Variants in MESP1 observed in about 807,000 individuals in gnomAD.
MESP1 encodes mesoderm posterior protein 1.
In MESP1, 22 loss-of-function variants were observed where a neutral mutation model predicts 15.2. That is an observed-to-expected ratio of 1.45 (90% CI 1.04 to 2.07). MESP1 has a LOEUF of 2.07. Among genes scored for constraint, MESP1 ranks in the 30% most tolerant of loss-of-function variants. The pLI, the probability that MESP1 is intolerant of heterozygous loss-of-function variation, is 0.00. For missense variants in MESP1, 484 were observed against 411.9 expected (o/e 1.17, Z -1.51); for synonymous variants, 216 against 192.6 (o/e 1.12, Z -1.01).
chr15:89,737,578 C>T, the MESP1 span: 1 of 1,614,186 alleles, frequency 6.2e-7, no homozygotes, highest in Non-Finnish European at 8.5e-7. Context: ...CCCAGGTGCT[C>T]ATCTTTTCCA....
chr15:89,743,750 C>T, the MESP1 span: 2 of 238,632 alleles, frequency 8.4e-6, no homozygotes, highest in East Asian at 2.1e-4. Context: ...CCACTCACCT[C>T]CTAGGCCCTG....
chr15:89,740,198 C>A, the MESP1 span, among the ~76,000 whole-genome samples: 1 of 152,162 alleles, frequency 6.6e-6, no homozygotes, highest in Non-Finnish European at 1.5e-5. Flanking sequence ...CCCTGCTAAT[C>A]CAAGTTCATG....
chr15:89,750,166 C>T lies in MESP1; in HGVS notation c.785G>A (p.Trp262Ter), dbSNP rs780469761. The T allele has an allele frequency of 1.2e-6, 2 of 1,614,072 alleles. No homozygotes were observed. Among genetic ancestry groups the T allele is most frequent in the South Asian group, 2.2e-5 (2 of 91,088 alleles). ...TTGTCACTTGGGCTCCTCAGGCAGC[C>T]ACTCCAGAGGCGAGAGGGGCATCCA... The part of the protein sequence containing the change: ...ETWMPLSPLE[W>*]LPEEPK The change falls in exon 2 of 2, where the codon TGG becomes TAG. Residue 262 changes from tryptophan to a stop codon, truncating the protein, a stop_gained. Coordinates refer to ENST00000300057, the MANE Select transcript of MESP1 (RefSeq NM_018670.4). LOFTEE classifies it high-confidence loss of function.
chr15:89,747,689 G>C (rs1967998365), downstream of MESP1, among the ~76,000 whole-genome samples: 1 of 152,236 alleles, frequency 6.6e-6, no homozygotes. Context: ...TACGCACACA[G>C]GTCTGGAGTC....
downstream of MESP1, among the ~76,000 whole-genome samples, chr15:89,746,502 TCC>T (rs1967959067): frequency 1.1e-5 from 1 of 89,854 alleles, no homozygotes; most frequent in African/African-American, 4.6e-5. Context: ...CAGCCCCGCC[TCC>T]ACACACACAC....
At chr15:89,736,905 C>G in the MESP1 span, among the ~76,000 whole-genome samples, 2 of 151,868 alleles carry the variant, frequency 1.3e-5, no homozygotes, top group South Asian at 2.1e-4. Flanking sequence ...CATTCTCCTG[C>G]CTCAGCCTCC....
the MESP1 span, among the ~76,000 whole-genome samples, chr15:89,743,121 CT>C: frequency 6.6e-6 from 1 of 152,242 alleles, no homozygotes; most frequent in African/African-American, 2.4e-5. Flanking sequence ...CAGGAAAGGC[CT>C]TCTGAGCACC....
Position 89,750,912 on chromosome 15 carries a change from C to A in MESP1, c.320G>T (p.Arg107Leu). ...GGGCGCCACGGACGGCGGTAGAAAG[C>A]GGCGCAGCTCGTGCAGGGCGCGGGC... ...TLARALHELR[R>L]FLPPSVAPAG... The change falls in exon 1 of 2, where the codon CGC becomes CTC. Residue 107 changes from arginine (R) to leucine (L), a missense_variant. Coordinates refer to ENST00000300057, the MANE Select transcript of MESP1 (RefSeq NM_018670.4). The A allele has an allele frequency of 6.7e-7, 1 of 1,484,462 alleles. No individual in the cohort carries two copies. Among genetic ancestry groups the A allele is most frequent in the African/African-American group, 1.4e-5 (1 of 69,202 alleles). The allele number at this position is 1,484,462 out of a possible 1,614,324, so 92.0% of individuals were successfully genotyped here. A position where few individuals can be genotyped will look rare whatever the true frequency, so the allele number is the denominator to read the frequency against.
At chr15:89,737,635 C>G in the MESP1 span, 1 of 1,614,222 alleles carries the variant, frequency 6.2e-7, no homozygotes, top group Non-Finnish European at 8.5e-7. Flanking sequence ...GTGAAATCAT[C>G]TGTGCCTTTG....
In MESP1 at chr15:89,750,495, A is replaced by C; in HGVS notation, c.723+14T>G. 2 of 1,492,734 alleles carry C rather than the reference A, an allele frequency of 1.3e-6. No individual in the cohort carries two copies. Among genetic ancestry groups the C allele is most frequent in the Non-Finnish European group, 1.8e-6 (2 of 1,129,256 alleles). 92.5% of individuals were successfully genotyped at this position (1,492,734 alleles called of 1,614,324 possible). A position where few individuals can be genotyped will look rare whatever the true frequency, so the allele number is the denominator to read the frequency against. Reference sequence around the variant, plus strand: ...GGGCACGGACGAAGGGGGCGCGGGGAAGGGGACACTAACCGGGGACGGTGG... The same window carrying C: ...GGGCACGGACGAAGGGGGCGCGGGGCAGGGGACACTAACCGGGGACGGTGG... On this transcript the variant is annotated intron_variant, in intron 1 of 1. Coordinates refer to ENST00000300057, the MANE Select transcript of MESP1 (RefSeq NM_018670.4).
downstream of MESP1, among the ~76,000 whole-genome samples, chr15:89,745,619 G>A (rs750305150): frequency 4.6e-5 from 7 of 152,010 alleles, no homozygotes; most frequent in Admixed American, 6.5e-5. This position sits in a 1 kb window ranked among gnomAD's most constrained non-coding sequence, Gnocchi z 4.8. Context: ...AAAAATTAGC[G>A]AGGCGTAGTG....
At chr15:89,738,433 C>T in the MESP1 span, among the ~76,000 whole-genome samples, 3 of 152,212 alleles carry the variant, frequency 2.0e-5, no homozygotes, top group African/African-American at 7.2e-5. Flanking sequence ...TCAAGACCAG[C>T]CTGGTCAACA....
In MESP1 at chr15:89,750,636, GC is replaced by G; in HGVS notation, c.595del (p.Ala199ArgfsTer80). On this transcript the variant is annotated frameshift_variant, in exon 1 of 2. Coordinates refer to ENST00000300057, the MANE Select transcript of MESP1 (RefSeq NM_018670.4). LOFTEE classifies it high-confidence loss of function. ...LGLVSAVRAG[A>X]SWGSPPACPG... ...GCAGGCAGGCGGGGATCCCCAGGAC[GC>G]CCCGGCGCGGACGGCGGATACCAGG... is the stretch of plus-strand genomic sequence containing the variant. The G allele has an allele frequency of 2.9e-6, 4 of 1,373,916 alleles. No homozygotes were observed. The highest frequency in any genetic ancestry group is 3.7e-6 in the Non-Finnish European group (4 of 1,072,716). 85.1% of individuals were successfully genotyped at this position (1,373,916 alleles called of 1,614,324 possible). A position where few individuals can be genotyped will look rare whatever the true frequency, so the allele number is the denominator to read the frequency against.
the MESP1 span, chr15:89,738,110 T>C: frequency 6.2e-7 from 1 of 1,614,136 alleles, no homozygotes; most frequent in Non-Finnish European, 8.5e-7. Context: ...TATTTTAATT[T>C]TGAGGCCTGC....
At chr15:89,749,853 G>A (rs902033651), downstream of MESP1, 2 of 375,314 alleles carry the variant, frequency 5.3e-6, no homozygotes, top group East Asian at 4.7e-5. Flanking sequence ...GTGTCCACGG[G>A]TAGGAAGAAG....
At chr15:89,737,545 C>G in the MESP1 span, 1 of 1,613,536 alleles carries the variant, frequency 6.2e-7, no homozygotes, top group Non-Finnish European at 8.5e-7. Flanking sequence ...CCAGTAGAAG[C>G]CCCCCTCACC....
chr15:89,746,973 G>A (rs1319717430), downstream of MESP1, among the ~76,000 whole-genome samples: 2 of 75,424 alleles, frequency 2.7e-5, no homozygotes, highest in African/African-American at 5.6e-5. Flanking sequence ...CCACACACAC[G>A]TGCACACAGA....
rs1341904135 is a variant in MESP1, at chr15:89,750,942, G to GTGCGCA, written c.284_289dup (p.Met95_Arg96dup). 2.1e-6 allele frequency: 3 copies of GTGCGCA among 1,451,540 alleles called. No homozygotes were observed. Among genetic ancestry groups the GTGCGCA allele is most frequent in the Non-Finnish European group, 2.7e-6 (3 of 1,105,822 alleles). The allele number at this position is 1,451,540 out of a possible 1,614,324, so 89.9% of individuals were successfully genotyped here. ...CAGCTCGTGCAGGGCGCGGGCCAGC[G>GTGCGCA]TGCGCATGCGCAGTTTCTCCCGCTC... On this transcript the variant is annotated inframe_insertion, in exon 1 of 2. Transcript: ENST00000300057.
the MESP1 span, chr15:89,743,229 T>TG: frequency 6.4e-7 from 1 of 1,566,606 alleles, no homozygotes; most frequent in Non-Finnish European, 8.8e-7. Flanking sequence ...AGGTCTGCCC[T>TG]GGGGGCTCGG....
Sources: allele counts gnomAD v4.1 joint callset (sites outside exome capture counted in the v4.1 genomes callset), GRCh38; gene constraint gnomAD v4.1.1; non-coding constraint Gnocchi (gnomAD v3.1); transcripts MANE v1.5; gene names NCBI Gene and HGNC (gene_info 2026-07-23, HGNC 2026-07-21).